Variants in MYO3B observed in about 807,000 individuals in gnomAD.
MYO3B encodes myosin-IIIb.
Under a neutral mutation model 174.6 loss-of-function variants are expected in MYO3B, and 156 were observed. That is an observed-to-expected ratio of 0.89 (90% CI 0.78 to 1.02). The LOEUF (loss-of-function observed/expected upper bound fraction) is 1.02, where lower values mean the gene tolerates loss of function less well. Ranked by LOEUF, MYO3B falls within the 50% of genes least tolerant of loss-of-function variation. MYO3B has a pLI of 0.00. For missense variants in MYO3B, 1,632 were observed against 1,639.4 expected, an observed-to-expected ratio of 1.00 and a Z score of 0.08; for synonymous variants, 563 against 569.1, an observed-to-expected ratio of 0.99 and a Z score of 0.15.
chr2:170,429,932 T>C (rs1270351862), intron 22 of MYO3B, among the ~76,000 whole-genome samples: 1 of 152,084 alleles, frequency 6.6e-6, no homozygotes, highest in East Asian at 1.9e-4. Flanking sequence ...CTGGGCTGTC[T>C]TCTCCTTAAA....
intron 14 of MYO3B, among the ~76,000 whole-genome samples, chr2:170,388,279 G>A (rs960542640): frequency 6.6e-6 from 1 of 152,088 alleles, no homozygotes; most frequent in Non-Finnish European, 1.5e-5. Flanking sequence ...AGGATCACAG[G>A]CATTAAACAA....
At chr2:170,511,666 A>G (rs1355286524) in intron 28 of MYO3B, among the ~76,000 whole-genome samples, 1 of 152,136 alleles carries the variant, frequency 6.6e-6, no homozygotes, top group Non-Finnish European at 1.5e-5. Context: ...CCTAATCCTT[A>G]TTTGCTGTCG....
At chr2:170,496,732 A>C (rs2106065704) in intron 25 of MYO3B, among the ~76,000 whole-genome samples, 1 of 151,614 alleles carries the variant, frequency 6.6e-6, no homozygotes. Context: ...GCAGCCCCAA[A>C]CTCTGGGCTC....
At chr2:170,422,977 C>CTTTTTT (rs34882424) in intron 22 of MYO3B, among the ~76,000 whole-genome samples, 8,572 of 88,172 alleles carry the variant, frequency 0.097, 967 homozygotes, top group Admixed American at 0.15. Context: ...TTCTTTCTTT[C>CTTTTTT]TTTTTTTTTT....
chr2:170,417,332 C>T (rs530354894), intron 22 of MYO3B, among the ~76,000 whole-genome samples: 1 of 152,296 alleles, frequency 6.6e-6, no homozygotes, highest in Non-Finnish European at 1.5e-5. Context: ...AAGATAGAGC[C>T]CTTATTGGTC....
At chr2:170,301,293 A>G (rs1169634953) in intron 7 of MYO3B, among the ~76,000 whole-genome samples, 4 of 152,226 alleles carry the variant, frequency 2.6e-5, no homozygotes, top group African/African-American at 7.2e-5. Flanking sequence ...CTAAACTTAC[A>G]TAAGTAACTG....
rs71412032 is a variant in MYO3B, at chr2:170,619,737, C to CTTTTTT, written c.3734-31869_3734-31864dup. On this transcript the variant is annotated intron_variant, in intron 32 of 34. Coordinates refer to ENST00000408978, the MANE Select transcript of MYO3B (RefSeq NM_138995.5). ...GATGGCCCATCACTGCTGCCATATT[C>CTTTTTT]TTTTTTTTTTTTTTTTTTTTTTTTT... Among the ~76,000 whole-genome samples, 23 of 50,778 alleles carry CTTTTTT rather than the reference C, an allele frequency of 4.5e-4. 4 individuals are homozygous for CTTTTTT. Among genetic ancestry groups the CTTTTTT allele is most frequent in the African/African-American group, 1.4e-3 (17 of 12,074 alleles). The allele number at this position is 50,778 out of a possible 152,430, so 33.3% of individuals were successfully genotyped here.
rs78432586 is a variant in MYO3B, at chr2:170,464,221, T to C, written c.2808+776T>C. Reference sequence around the variant, plus strand: ...TGCAAAAATTAGGTGTGGTGGCAGGTGCCTGTAATCCCAGCTACTTGGGAG... The same window carrying C: ...TGCAAAAATTAGGTGTGGTGGCAGGCGCCTGTAATCCCAGCTACTTGGGAG... On this transcript the variant is annotated intron_variant, in intron 24 of 34. Transcript: ENST00000408978. Among the ~76,000 whole-genome samples, 1,477 of 151,622 alleles carry C rather than the reference T, an allele frequency of 9.7e-3. 24 individuals carry two copies. The highest frequency in any genetic ancestry group is 0.031 in the African/African-American group (1,299 of 41,332).
At chr2:170,212,134 T>G (rs1003612911) in intron 3 of MYO3B, among the ~76,000 whole-genome samples, 1 of 151,912 alleles carries the variant, frequency 6.6e-6, no homozygotes, top group Non-Finnish European at 1.5e-5. Context: ...TCCCAGCTAC[T>G]CTGGAGGCTG....
chr2:170,184,477 A>G (rs147538185), intron 1 of MYO3B, among the ~76,000 whole-genome samples: 1,757 of 152,254 alleles, frequency 0.012, 17 homozygotes, highest in Non-Finnish European at 0.018. Context: ...ACCTAACATA[A>G]TTACCTCCAG....
At chr2:170,618,800 A>G (rs1452766025) in intron 32 of MYO3B, among the ~76,000 whole-genome samples, 4 of 152,200 alleles carry the variant, frequency 2.6e-5, no homozygotes, top group Admixed American at 2.0e-4. Context: ...AGTAATTAAC[A>G]TAACATTTGT....
intron 21 of MYO3B, among the ~76,000 whole-genome samples, chr2:170,407,192 T>C (rs1408146985): frequency 6.6e-6 from 1 of 152,204 alleles, no homozygotes; most frequent in African/African-American, 2.4e-5. Context: ...CCAGGTGCGG[T>C]GGCTAACACC....
intron 32 of MYO3B, among the ~76,000 whole-genome samples, chr2:170,615,934 TA>T (rs1404061518): frequency 6.6e-6 from 1 of 152,146 alleles, no homozygotes; most frequent in Non-Finnish European, 1.5e-5. Context: ...TTCTTTCACA[TA>T]ACATTTGTAT....
chr2:170,178,758 A>G (rs1246207144), intron 1 of MYO3B, among the ~76,000 whole-genome samples: 1 of 152,230 alleles, frequency 6.6e-6, no homozygotes, highest in African/African-American at 2.4e-5. Flanking sequence ...GAGAGGTTTC[A>G]GGCAGCTAAA....
In MYO3B at chr2:170,318,369, C is replaced by G. The variant is rs1381737315; in HGVS notation, c.750-17016C>G. Among the ~76,000 whole-genome samples, 3 of 152,230 alleles carry G rather than the reference C, an allele frequency of 2.0e-5. No individual in the cohort carries two copies. The East Asian group carries it at 5.8e-4, about 29-fold the overall frequency. ...TTTTACTACTTTCTAAATTATTCCA[C>G]TGACACACTGATTTAACTAAATATT... On this transcript the variant is annotated intron_variant, in intron 7 of 34. Coordinates refer to ENST00000408978, the MANE Select transcript of MYO3B (RefSeq NM_138995.5).
intron 32 of MYO3B, chr2:170,644,731 T>A (rs1232552592): frequency 6.6e-6 from 1 of 152,236 alleles, no homozygotes; most frequent in Non-Finnish European, 1.5e-5. Context: ...ATTCAGCTAT[T>A]TGTCTCTCAC....
chr2:170,200,152 T>C lies in MYO3B; in HGVS notation c.189T>C (p.Asp63=). 6.2e-7 allele frequency: 1 copy of C among 1,612,286 alleles called. No individual in the cohort carries two copies. Among genetic ancestry groups the C allele is most frequent in the Non-Finnish European group, 8.5e-7 (1 of 1,179,078 alleles). ...TTGCATTTTTCTACCCTGTTTAGGA[T>C]ATGGATGAAGAAATTGAGGCAGAAT... The part of the protein sequence containing the change: ...AAVKILDPVS[D]MDEEIEAEYN... Residue 63 remains aspartate, a splice_region_variant and synonymous_variant, in exon 3 of 35, where the codon GAT becomes GAC. Coordinates refer to ENST00000408978, the MANE Select transcript of MYO3B (RefSeq NM_138995.5).
At chr2:170,250,135 A>G (rs2093235439) in intron 7 of MYO3B, among the ~76,000 whole-genome samples, 1 of 152,224 alleles carries the variant, frequency 6.6e-6, no homozygotes, top group Non-Finnish European at 1.5e-5. Flanking sequence ...TGTTTTATGC[A>G]TGAAGTTATT....
intron 7 of MYO3B, chr2:170,332,285 G>A (rs1293684232): frequency 6.6e-6 from 1 of 152,074 alleles, no homozygotes; most frequent in African/African-American, 2.4e-5. Flanking sequence ...CAGCTAAAAG[G>A]CAGACAAGAA....
Sources: gnomAD v4.1 joint callset for allele counts (sites outside exome capture counted in the v4.1 genomes callset) on GRCh38, gnomAD v4.1.1 for gene constraint, MANE v1.5 for transcripts, NCBI Gene and HGNC (gene_info 2026-07-23, HGNC 2026-07-21) for gene names.